The following TMEM178B variants were observed in gnomAD, a reference collection of about 807,000 sequenced individuals.
The protein encoded by TMEM178B is transmembrane protein 178B.
TMEM178B carries 5 observed loss-of-function variants against 31.0 expected under a neutral mutation model. The observed-to-expected ratio is 0.16, with a 90% CI of 0.08 to 0.34. TMEM178B has a LOEUF of 0.34. TMEM178B is among the 10% of genes least tolerant of loss of function. TMEM178B has a pLI of 1.00. For synonymous variants in TMEM178B, 164 were observed against 164.0 expected (o/e 1.00, Z 0.00); for missense variants, 275 against 400.3 (o/e 0.69, Z 2.67).
intron 2 of TMEM178B, among the ~76,000 whole-genome samples, chr7:141,429,447 A>G (rs374268477): frequency 6.6e-6 from 1 of 152,192 alleles, no homozygotes; most frequent in Non-Finnish European, 1.5e-5. Flanking sequence ...ACAGAAACAC[A>G]AGTACTGCAT....
In TMEM178B at chr7:141,461,363, A is replaced by T. The variant is rs12535734; in HGVS notation, c.635-9173A>T. Among the ~76,000 whole-genome samples, 42,474 of 152,122 alleles carry T rather than the reference A, an allele frequency of 0.28. 6,628 individuals carry two copies. Among genetic ancestry groups the T allele is most frequent in the African/African-American group, 0.42 (17,386 of 41,468 alleles). ...ATTGGGGATCCGCAGACACCGTTCC[A>T]CATTCCTGGGAGCAGAAAATGTCAC... On this transcript the variant is annotated intron_variant, in intron 3 of 3. Transcript: ENST00000565468. This position sits in a 1 kb window ranked among gnomAD's most constrained non-coding sequence, Gnocchi z 4.0.
At chr7:141,233,609 G>A (rs991000413) in intron 2 of TMEM178B, among the ~76,000 whole-genome samples, 1 of 152,204 alleles carries the variant, frequency 6.6e-6, no homozygotes, top group African/African-American at 2.4e-5. Flanking sequence ...TGTGTTTTGT[G>A]AGGGAAGAGT....
chr7:141,342,766 G>A (rs1487590372), intron 2 of TMEM178B, among the ~76,000 whole-genome samples: 1 of 152,208 alleles, frequency 6.6e-6, no homozygotes, highest in East Asian at 1.9e-4. Context: ...TCAGTGAGGT[G>A]TGAAACTCTC....
chr7:141,405,302 G>T (rs920306582), intron 2 of TMEM178B, among the ~76,000 whole-genome samples: 1 of 152,276 alleles, frequency 6.6e-6, no homozygotes, highest in African/African-American at 2.4e-5. Context: ...TCTATGCCAA[G>T]GGCTCGGCCT....
At chr7:141,229,130 T>A (rs1458086975) in intron 2 of TMEM178B, among the ~76,000 whole-genome samples, 1 of 149,554 alleles carries the variant, frequency 6.7e-6, no homozygotes, top group Non-Finnish European at 1.5e-5. Context: ...TGTGTGTGTG[T>A]GAAACTTTTT....
Position 141,344,392 on chromosome 7 carries a change from C to A in TMEM178B, c.497-93216C>A, listed in dbSNP as rs186761082. Among the ~76,000 whole-genome samples the A allele has an allele frequency of 9.0e-4, 137 of 152,314 alleles. 3 individuals are homozygous for A. The East Asian group carries it at 0.024, about 27-fold the overall frequency. ...GTCCGATAGCCCTTCAGTCACTGAACTTCATCAGATGACATTTGAAGGGAT... is the reference window on the plus strand; with the variant it reads ...GTCCGATAGCCCTTCAGTCACTGAAATTCATCAGATGACATTTGAAGGGAT... On this transcript the variant is annotated intron_variant, in intron 2 of 3. Coordinates refer to ENST00000565468, the MANE Select transcript of TMEM178B (RefSeq NM_001195278.2). This position sits in a 1 kb window ranked among gnomAD's most constrained non-coding sequence, Gnocchi z 4.1.
the TMEM178B span, among the ~76,000 whole-genome samples, chr7:141,506,079 T>C: frequency 6.6e-6 from 1 of 152,260 alleles, no homozygotes; most frequent in Non-Finnish European, 1.5e-5. Flanking sequence ...CCAGGAAACA[T>C]CATTGCTCTA....
chr7:141,092,786 G>A (rs1794901143), intron 1 of TMEM178B, among the ~76,000 whole-genome samples: 2 of 152,142 alleles, frequency 1.3e-5, no homozygotes, highest in South Asian at 4.1e-4. Flanking sequence ...AGTGTGAGGT[G>A]GTGAGTTGAA....
intron 2 of TMEM178B, among the ~76,000 whole-genome samples, chr7:141,279,163 G>A (rs536864275): frequency 2.0e-5 from 3 of 152,230 alleles, no homozygotes; most frequent in Admixed American, 2.0e-4. Flanking sequence ...AGTAGCTCAG[G>A]AATGCTTTTC....
chr7:141,283,580 G>A (rs1029352563), intron 2 of TMEM178B, among the ~76,000 whole-genome samples: 4 of 152,112 alleles, frequency 2.6e-5, no homozygotes, highest in African/African-American at 4.8e-5. Flanking sequence ...CACTTTTCAC[G>A]TGTCTTATTG....
rs146008752 is a variant in TMEM178B at position 141,284,938 on chromosome 7, C to A, written c.496+72234C>A. 1.4e-3 allele frequency among the ~76,000 whole-genome samples: 212 copies of A among 151,968 alleles called. 2 individuals carry two copies. The highest frequency in any genetic ancestry group is 5.0e-3 in the African/African-American group (207 of 41,454). ...ATAGTTCAGAGACCAGAGTCTAAGA[C>A]CAATCAAGAAGAATGGATCAATTAG... On this transcript the variant is annotated intron_variant, in intron 2 of 3. Coordinates refer to ENST00000565468, the MANE Select transcript of TMEM178B (RefSeq NM_001195278.2).
At chr7:141,214,990 T>G (rs1039259045) in intron 2 of TMEM178B, among the ~76,000 whole-genome samples, 4 of 152,122 alleles carry the variant, frequency 2.6e-5, no homozygotes, top group African/African-American at 7.2e-5. Flanking sequence ...ATTTCTGACA[T>G]CGATGACAGT....
At chr7:141,275,628 G>A (rs531791290) in intron 2 of TMEM178B, among the ~76,000 whole-genome samples, 1 of 152,322 alleles carries the variant, frequency 6.6e-6, no homozygotes, top group Non-Finnish European at 1.5e-5. Flanking sequence ...TAAAGAAGTT[G>A]CAAACCTCTC....
intron 1 of TMEM178B, among the ~76,000 whole-genome samples, chr7:141,099,082 A>C (rs183130491): frequency 2.3e-4 from 35 of 152,366 alleles, no homozygotes; most frequent in Non-Finnish European, 2.6e-4. Flanking sequence ...GCAGAATGGA[A>C]TCTAGGGACA....
chr7:141,423,789 C>G (rs1004844708), intron 2 of TMEM178B, among the ~76,000 whole-genome samples: 2 of 143,588 alleles, frequency 1.4e-5, no homozygotes, highest in African/African-American at 5.1e-5. Context: ...AAGAAGATTT[C>G]TATAGTGACA....
chr7:141,153,892 G>C (rs1239937800), intron 1 of TMEM178B, among the ~76,000 whole-genome samples: 1 of 151,992 alleles, frequency 6.6e-6, no homozygotes, highest in Non-Finnish European at 1.5e-5. Context: ...TAAATTTCTA[G>C]GTAATCAAAT....
chr7:141,315,852 G>A (rs1290327062), intron 2 of TMEM178B, among the ~76,000 whole-genome samples: 1 of 152,120 alleles, frequency 6.6e-6, no homozygotes, highest in Non-Finnish European at 1.5e-5. Flanking sequence ...ATTTCAAAGA[G>A]CTATTTTACA....
intron 2 of TMEM178B, among the ~76,000 whole-genome samples, chr7:141,397,327 G>A (rs1210700820): frequency 6.6e-6 from 1 of 152,126 alleles, no homozygotes; most frequent in Non-Finnish European, 1.5e-5. Context: ...CTTTAACATG[G>A]GAATCCTGAG....
chr7:141,161,849 G>C (rs1002204422), intron 1 of TMEM178B, among the ~76,000 whole-genome samples: 4 of 152,010 alleles, frequency 2.6e-5, no homozygotes, highest in African/African-American at 9.7e-5. Flanking sequence ...GAAGCAGAGT[G>C]TGTGGCATGT....
Sources: gnomAD v4.1 joint callset for allele counts (sites outside exome capture counted in the v4.1 genomes callset) on GRCh38, gnomAD v4.1.1 for gene constraint, Gnocchi (gnomAD v3.1) non-coding constraint, MANE v1.5 for transcripts, NCBI Gene and HGNC (gene_info 2026-07-23, HGNC 2026-07-21) for gene names.